ILDR1: variants seen among roughly 807,000 people sequenced by gnomAD.
ILDR1 encodes immunoglobulin like domain containing receptor 1, also known as immunoglobulin-like domain-containing receptor 1.
Under a neutral mutation model 62.4 loss-of-function variants are expected in ILDR1, and 56 were observed. The observed-to-expected ratio is 0.90, with a 90% confidence interval of 0.72 to 1.12. The LOEUF is 1.12. Among genes scored for constraint, ILDR1 ranks in the 50% most tolerant of loss-of-function variants. The probability of loss-of-function intolerance (pLI) is 0.00; values close to 1 mark genes in which losing one functional copy is unlikely to be tolerated. For missense variants in ILDR1, 736 were observed against 710.6 expected (o/e 1.04, Z -0.41); for synonymous variants, 284 against 277.8 (o/e 1.02, Z -0.22).
rs372564314 is a variant in ILDR1 at position 121,993,391 on chromosome 3, C to T, written c.1358G>A (p.Arg453Gln). 161 of 1,613,124 alleles carry T rather than the reference C, an allele frequency of 1.0e-4. 1 individual carries two copies. In the South Asian group the frequency reaches 1.4e-3, roughly 14 times the overall value. The change falls in exon 7 of 8, where the codon CGG (arginine) becomes CAG (glutamine). Residue 453 changes from arginine (R) to glutamine (Q), a missense_variant. Arg to Gln is a conservative substitution (Grantham distance 43). Coordinates refer to ENST00000344209, the MANE Select transcript of ILDR1 (RefSeq NM_001199799.2). ...TCTCCCGTGCCTCTGAGTGCTCTCC[C>T]GGGGGCTGGGCCTGCGGGGCCTCTC... is the stretch of plus-strand genomic sequence containing the variant. ...CQERPRRPSP[R>Q]ESTQRHGRRR...
chr3:122,021,622 A>C (rs1042738283), intron 1 of ILDR1, among the ~76,000 whole-genome samples: 4 of 152,248 alleles, frequency 2.6e-5, no homozygotes, highest in African/African-American at 9.6e-5. Context: ...AACCTCCCAG[A>C]AATGAAATAT....
At chr3:122,023,809 GC>G (rs2071898188), upstream of ILDR1, among the ~76,000 whole-genome samples, 1 of 152,128 alleles carries the variant, frequency 6.6e-6, no homozygotes, top group African/African-American at 2.4e-5. Flanking sequence ...AGCAGCAGCA[GC>G]AGCAGGAGGA....
Position 121,993,897 on chromosome 3 carries a change from A to G in ILDR1, c.852T>C (p.Gly284=), listed in dbSNP as rs1315785855. ...GTTCTTTCTCCAAATACTCCAGGAC[A>G]CCATTGGCGATGGGAGGCTGATTGG... ...QTTNQPPIAN[G]VLEYLEKELR... is the part of the protein sequence containing the mutation. Residue 284 remains glycine (G), a synonymous_variant, in exon 7 of 8, where the codon GGT becomes GGC. Transcript: ENST00000344209. 4 of 1,613,810 alleles carry G rather than the reference A, an allele frequency of 2.5e-6. No homozygotes were observed. The African/African-American group carries it at 4.0e-5, about 16-fold the overall frequency.
chr3:122,016,248 C>A (rs1300845088), intron 1 of ILDR1, among the ~76,000 whole-genome samples: 1 of 152,224 alleles, frequency 6.6e-6, no homozygotes, highest in African/African-American at 2.4e-5. Flanking sequence ...TCTGACTGAG[C>A]AAAATCCATC....
chr3:122,057,528 A>T, the ILDR1 span, among the ~76,000 whole-genome samples: 1 of 152,336 alleles, frequency 6.6e-6, no homozygotes, highest in African/African-American at 2.4e-5. Flanking sequence ...ATTAATCAGA[A>T]ATATAGGTAG....
In ILDR1 at chr3:122,007,113, G is replaced by C. The variant is rs757080115; in HGVS notation, c.107C>G (p.Thr36Ser). 11 of 1,614,178 alleles carry C rather than the reference G, an allele frequency of 6.8e-6. No individual in the cohort carries two copies. Among genetic ancestry groups the C allele is most frequent in the South Asian group, 6.6e-5 (6 of 91,082 alleles). Reference sequence around the variant, plus strand: ...TTTGAGGATGATAGAGGCAAACAGGGTGACATAGCGTTCTGTGTGCTGGAC... The same window carrying C: ...TTTGAGGATGATAGAGGCAAACAGGCTGACATAGCGTTCTGTGTGCTGGAC... ...VTVQHTERYV[T>S]LFASIILKCD... Residue 36 changes from threonine to serine, a missense_variant, in exon 2 of 8, where the codon ACC (threonine) becomes AGC (serine). Physicochemically the swap from Thr to Ser is moderately conservative, Grantham distance 58 (BLOSUM62 1). Coordinates refer to ENST00000344209, the MANE Select transcript of ILDR1 (RefSeq NM_001199799.2).
chr3:121,988,868 T>C (rs1201868861), intron 7 of ILDR1, among the ~76,000 whole-genome samples: 1 of 152,266 alleles, frequency 6.6e-6, no homozygotes, highest in African/African-American at 2.4e-5. Context: ...AGTATTTCTC[T>C]GAAGTTGTAT....
At chr3:122,059,933 A>G in the ILDR1 span, among the ~76,000 whole-genome samples, 1 of 152,178 alleles carries the variant, frequency 6.6e-6, no homozygotes, top group Non-Finnish European at 1.5e-5. Flanking sequence ...AAGGCTCGCA[A>G]CAGATTCTTT....
chr3:122,007,147 G>C lies in ILDR1; in HGVS notation c.73C>G (p.Leu25Val), dbSNP rs727505226. 5.6e-6 allele frequency: 9 copies of C among 1,614,176 alleles called. No homozygotes were observed. The Middle Eastern group carries it at 4.9e-4, about 89-fold the overall frequency. Reference sequence around the variant, plus strand: ...CGTTCTGTGTGCTGGACCGTCACAAGCAAGGACAGGCACCCTAAAGCCAAG... The same window carrying C: ...CGTTCTGTGTGCTGGACCGTCACAACCAAGGACAGGCACCCTAAAGCCAAG... ...TWLPAGCLSLLVTVQHTERYV... is the reference protein window; with the variant it reads ...TWLPAGCLSLVVTVQHTERYV... Residue 25 changes from leucine to valine, a missense_variant, in exon 2 of 8, where the codon CTT becomes GTT. Coordinates refer to ENST00000344209, the MANE Select transcript of ILDR1 (RefSeq NM_001199799.2).
the ILDR1 span, among the ~76,000 whole-genome samples, chr3:122,047,084 C>T: frequency 0.15 from 21,182 of 144,492 alleles, 1,606 homozygotes; most frequent in East Asian, 0.21. Flanking sequence ...TGGTGATGTA[C>T]AGATGGGTTT....
At chr3:122,049,460 T>C in the ILDR1 span, among the ~76,000 whole-genome samples, 3 of 152,236 alleles carry the variant, frequency 2.0e-5, no homozygotes, top group South Asian at 2.1e-4. Context: ...CTAACCTTTA[T>C]TGGAACTAGG....
At chr3:122,055,464 A>G in the ILDR1 span, 1 of 1,612,702 alleles carries the variant, frequency 6.2e-7, no homozygotes, top group Non-Finnish European at 8.5e-7. Context: ...ATTTCCAGAT[A>G]TTAGGTCACA....
chr3:122,008,643 G>A (rs1229690825), intron 1 of ILDR1, among the ~76,000 whole-genome samples: 1 of 144,814 alleles, frequency 6.9e-6, no homozygotes, highest in Non-Finnish European at 1.5e-5. Context: ...ACTCAGGCTG[G>A]AGTGCAATGG....
At chr3:122,027,287 T>C in the ILDR1 span, among the ~76,000 whole-genome samples, 1 of 152,156 alleles carries the variant, frequency 6.6e-6, no homozygotes, top group African/African-American at 2.4e-5. Flanking sequence ...CCTCCCAAGT[T>C]CAAGAGACTC....
chr3:122,017,689 T>C (rs1285875073), intron 1 of ILDR1, among the ~76,000 whole-genome samples: 2 of 152,014 alleles, frequency 1.3e-5, no homozygotes, highest in South Asian at 2.1e-4. Flanking sequence ...CTTAAACAAA[T>C]TTACAAGAAA....
chr3:122,039,848 A>G, the ILDR1 span, among the ~76,000 whole-genome samples: 2 of 152,078 alleles, frequency 1.3e-5, no homozygotes, highest in Non-Finnish European at 2.9e-5. Flanking sequence ...AAAATAAAAT[A>G]AATGATAATA....
intron 7 of ILDR1, 68 bp downstream of exon 7, chr3:121,993,082 G>A (rs1576713882): frequency 1.6e-6 from 2 of 1,284,660 alleles, no homozygotes; most frequent in Admixed American, 3.9e-5. Flanking sequence ...TGTGTTGGCT[G>A]TGGTCATGCC....
chr3:122,000,174 G>T (rs1006494360), intron 5 of ILDR1, among the ~76,000 whole-genome samples: 1 of 147,758 alleles, frequency 6.8e-6, no homozygotes, highest in African/African-American at 2.5e-5. Context: ...GATTGCCAGA[G>T]AAATAAAAAT....
intron 1 of ILDR1, among the ~76,000 whole-genome samples, chr3:122,009,518 T>C (rs938531626): frequency 5.3e-5 from 8 of 152,192 alleles, no homozygotes; most frequent in Non-Finnish European, 7.3e-5. Context: ...AAGAATGCAA[T>C]GAGATAATCT....
Sources: allele counts gnomAD v4.1 joint callset (sites outside exome capture counted in the v4.1 genomes callset), GRCh38; gene constraint gnomAD v4.1.1; transcripts MANE v1.5; gene names NCBI Gene and HGNC (gene_info 2026-07-23, HGNC 2026-07-21).